Variants in CSNK2A1 observed in about 807,000 individuals in gnomAD.
The protein encoded by CSNK2A1 is casein kinase 2 alpha 1.
Under a neutral mutation model 62.9 loss-of-function variants are expected in CSNK2A1, and 10 were observed. The ratio of observed to expected loss-of-function variants is 0.16; its 90% CI spans 0.10 to 0.27. The LOEUF (loss-of-function observed/expected upper bound fraction) is 0.27, where lower values mean the gene tolerates loss of function less well. Ranked by LOEUF, CSNK2A1 falls within the 10% of genes least tolerant of loss-of-function variation. The pLI, the probability that CSNK2A1 is intolerant of heterozygous loss-of-function variation, is 1.00. For missense variants in CSNK2A1, 160 were observed against 492.0 expected, an observed-to-expected ratio of 0.33 and a Z score of 6.38; for synonymous variants, 124 against 167.8, an observed-to-expected ratio of 0.74 and a Z score of 2.02.
At chr20:540,477 T>C (rs1025495271) in intron 1 of CSNK2A1, among the ~76,000 whole-genome samples, 1 of 152,202 alleles carries the variant, frequency 6.6e-6, no homozygotes, top group Non-Finnish European at 1.5e-5. Flanking sequence ...AAGACCTCAC[T>C]TCTGTCTGGG....
At chr20:515,433 A>C (rs921384388) in intron 2 of CSNK2A1, among the ~76,000 whole-genome samples, 1 of 152,246 alleles carries the variant, frequency 6.6e-6, no homozygotes, top group Non-Finnish European at 1.5e-5. Flanking sequence ...AGCTTTAAGT[A>C]TCTAACTCTT....
intron 1 of CSNK2A1, among the ~76,000 whole-genome samples, chr20:535,666 G>A (rs2019303764): frequency 6.9e-6 from 1 of 145,606 alleles, no homozygotes; most frequent in African/African-American, 2.6e-5. Context: ...TGAGAGAGGA[G>A]AATCACTTGA....
intron 10 of CSNK2A1, chr20:489,414 A>C (rs2018168585): frequency 3.3e-6 from 1 of 298,764 alleles, no homozygotes; most frequent in Admixed American, 4.9e-5. Flanking sequence ...TTAGTTTAAG[A>C]AACATCTGTA....
chr20:475,247 T>C lies in CSNK2A1; in HGVS notation c.*8714A>G, dbSNP rs1329923281. ...GCCGAGGCAGGCAGATTACTTGATG[T>C]CAGGAGTTCCAGACCAGCCTGGCCA... On this transcript the variant is annotated 3_prime_UTR_variant, in exon 14 of 14. Coordinates refer to ENST00000217244, the MANE Select transcript of CSNK2A1 (RefSeq NM_177559.3). The C allele has an allele frequency of 6.6e-6, 1 of 152,196 alleles. No individual in the cohort carries two copies. The highest frequency in any genetic ancestry group is 1.5e-5 in the Non-Finnish European group (1 of 68,050). The allele number at this position is 152,196 out of a possible 1,614,324, so 9.4% of individuals were successfully genotyped here. A position where few individuals can be genotyped will look rare whatever the true frequency, so the allele number is the denominator to read the frequency against.
intron 4 of CSNK2A1, chr20:504,838 A>G (rs1245162480): frequency 1.1e-5 from 4 of 360,034 alleles, no homozygotes; most frequent in Non-Finnish European, 2.0e-5. Context: ...AGTAAAGGAA[A>G]TAAGTATTAG....
At chr20:537,383 AAGAC>A (rs1319173364) in intron 1 of CSNK2A1, among the ~76,000 whole-genome samples, 2 of 152,196 alleles carry the variant, frequency 1.3e-5, no homozygotes, top group East Asian at 1.9e-4. Flanking sequence ...CTAAGACTGA[AAGAC>A]AGAATTTGTA....
At position 477,991 on chromosome 20, in the gene CSNK2A1, GA is replaced by G. The variant is rs1389084855; in HGVS notation, c.*5969del. 2 of 151,670 alleles carry G rather than the reference GA, an allele frequency of 1.3e-5. No individual in the cohort carries two copies. Among genetic ancestry groups the G allele is most frequent in the Non-Finnish European group, 2.9e-5 (2 of 67,988 alleles). The allele number at this position is 151,670 out of a possible 1,614,324, so 9.4% of individuals were successfully genotyped here. ...CCTTGGGATTTCCATTTCTTTCTCT[GA>G]AATAGGCATTTGCATTTTTCCTAGG... On this transcript the variant is annotated 3_prime_UTR_variant, in exon 14 of 14. Coordinates refer to ENST00000217244, the MANE Select transcript of CSNK2A1 (RefSeq NM_177559.3).
chr20:531,996 A>G (rs995301314), intron 1 of CSNK2A1, among the ~76,000 whole-genome samples: 2 of 152,204 alleles, frequency 1.3e-5, no homozygotes, highest in Non-Finnish European at 2.9e-5. Flanking sequence ...TATCCTTTGA[A>G]TCATGTGTCC....
intron 6 of CSNK2A1, 160 bp from the exon 7 acceptor site, chr20:497,940 A>G: frequency 1.7e-6 from 1 of 596,782 alleles, no homozygotes. Context: ...TTAACTTTAA[A>G]GAGATACTTT....
At chr20:520,449 G>A (rs955308534) in intron 2 of CSNK2A1, among the ~76,000 whole-genome samples, 27 of 151,994 alleles carry the variant, frequency 1.8e-4, no homozygotes, top group African/African-American at 6.3e-4. Flanking sequence ...TTTGACAAAG[G>A]TACAAAGGCA....
intron 2 of CSNK2A1, among the ~76,000 whole-genome samples, 164 bp downstream of exon 2, chr20:527,769 C>A (rs149638042): frequency 6.6e-6 from 1 of 152,276 alleles, no homozygotes; most frequent in South Asian, 2.1e-4. Context: ...AAACTCCTGA[C>A]CTCAGGTGAT....
intron 4 of CSNK2A1, chr20:500,634 C>CTTTTTTT (rs11479834): frequency 2.5e-4 from 33 of 130,292 alleles, no homozygotes; most frequent in African/African-American, 9.2e-4. Flanking sequence ...CACCAATGCT[C>CTTTTTTT]TTTTTTTTTT....
intron 13 of CSNK2A1, among the ~76,000 whole-genome samples, chr20:485,108 A>ATAATAATAATAATAATAAT: frequency 2.3e-5 from 1 of 43,552 alleles, no homozygotes; most frequent in African/African-American, 8.4e-5. Context: ...AAAAAAAAAA[A>ATAATAATAATAATAATAAT]AATATATATA....
At chr20:505,405 G>A (rs914415060) in intron 3 of CSNK2A1, among the ~76,000 whole-genome samples, 176 bp from the exon 4 acceptor site, 5 of 137,404 alleles carry the variant, frequency 3.6e-5, no homozygotes, top group Non-Finnish European at 7.6e-5. Flanking sequence ...TGTCGCCCAG[G>A]CTAGAGTGCA....
chr20:486,874 C>G (rs867795319), intron 12 of CSNK2A1: 26 of 188,012 alleles, frequency 1.4e-4, no homozygotes, highest in African/African-American at 5.6e-4. Context: ...TGACCACATT[C>G]TCTATCCCAA....
intron 2 of CSNK2A1, among the ~76,000 whole-genome samples, chr20:510,923 T>C (rs966230173): frequency 2.0e-5 from 3 of 152,094 alleles, no homozygotes; most frequent in Middle Eastern, 3.4e-3. Context: ...GGTTTCCCTA[T>C]GTTGCCCAGG....
At chr20:524,310 C>A in intron 2 of CSNK2A1, among the ~76,000 whole-genome samples, 1 of 150,830 alleles carries the variant, frequency 6.6e-6, no homozygotes, top group East Asian at 1.9e-4. Context: ...GTAGTCCCAG[C>A]TGCTCTTAGA....
chr20:513,521 G>A (rs890406417), intron 2 of CSNK2A1, among the ~76,000 whole-genome samples: 4 of 152,170 alleles, frequency 2.6e-5, no homozygotes, highest in African/African-American at 7.2e-5. Context: ...TATAGTAGCC[G>A]TGGTTAATTC....
At chr20:538,263 A>G (rs2019376704) in intron 1 of CSNK2A1, among the ~76,000 whole-genome samples, 1 of 152,150 alleles carries the variant, frequency 6.6e-6, no homozygotes, top group Non-Finnish European at 1.5e-5. Context: ...AGAAAAGGGT[A>G]CTCAGGGAAC....
Sources: allele counts gnomAD v4.1 joint callset (sites outside exome capture counted in the v4.1 genomes callset), GRCh38; gene constraint gnomAD v4.1.1; transcripts MANE v1.5; gene names NCBI Gene and HGNC (gene_info 2026-07-23, HGNC 2026-07-21).